Variants in MCTP1 observed in about 807,000 individuals in gnomAD.
MCTP1 encodes the protein multiple C2 and transmembrane domain containing 1, also known as multiple C2 and transmembrane domain-containing protein 1.
MCTP1 carries 69 observed loss-of-function variants against 120.6 expected under a neutral mutation model. That is an observed-to-expected ratio of 0.57 (90% CI 0.47 to 0.70). The LOEUF (loss-of-function observed/expected upper bound fraction) is 0.70. Ranked by LOEUF, MCTP1 falls within the 30% of genes least tolerant of loss-of-function variation. The pLI is 0.00. For missense variants in MCTP1, 1,203 were observed against 1,248.8 expected (o/e 0.96, Z 0.55); for synonymous variants, 529 against 493.1 (o/e 1.07, Z -0.96).
intron 5 of MCTP1, 144 bp downstream of exon 5, chr5:94,939,940 G>T: frequency 2.1e-6 from 1 of 470,680 alleles, no homozygotes. Flanking sequence ...AAGCATGAAT[G>T]AGCAATACCT....
intron 17 of MCTP1, among the ~76,000 whole-genome samples, chr5:94,848,759 CAATA>C (rs1793042354): frequency 5.9e-5 from 9 of 151,314 alleles, no homozygotes; most frequent in Admixed American, 5.3e-4. Context: ...AATTTATTGG[CAATA>C]AATAAAACAC....
chr5:94,980,495 A>T (rs1462975884), intron 2 of MCTP1, among the ~76,000 whole-genome samples: 1 of 152,096 alleles, frequency 6.6e-6, no homozygotes, highest in Non-Finnish European at 1.5e-5. Flanking sequence ...TTCCTTTTGA[A>T]ATTCAATATT....
At chr5:94,965,551 G>A (rs767962077) in intron 2 of MCTP1, among the ~76,000 whole-genome samples, 3 of 152,050 alleles carry the variant, frequency 2.0e-5, no homozygotes, top group Admixed American at 6.5e-5. Flanking sequence ...TCTGTGACTG[G>A]ACAAGGGGTG....
intron 19 of MCTP1, among the ~76,000 whole-genome samples, chr5:94,765,556 C>T (rs1039363160): frequency 6.6e-6 from 1 of 151,750 alleles, no homozygotes; most frequent in African/African-American, 2.4e-5. Context: ...CAAAAATTAG[C>T]CAGGTATGGT....
At chr5:95,160,906 C>T (rs957919244) in intron 1 of MCTP1, among the ~76,000 whole-genome samples, 1 of 152,060 alleles carries the variant, frequency 6.6e-6, no homozygotes, top group Admixed American at 6.6e-5. Context: ...TACCTCACAC[C>T]TGTTAATATT....
intron 15 of MCTP1, 104 bp from the exon 16 acceptor site, chr5:94,870,595 G>A (rs1797658582): frequency 2.3e-6 from 2 of 869,990 alleles, no homozygotes; most frequent in South Asian, 2.9e-5. Flanking sequence ...TCAAAGTCCT[G>A]GCTGCTGTGC....
chr5:94,784,450 C>A (rs919762510), intron 18 of MCTP1, among the ~76,000 whole-genome samples: 6 of 152,054 alleles, frequency 3.9e-5, no homozygotes, highest in African/African-American at 1.4e-4. Flanking sequence ...GTGGTAAGAT[C>A]TTTATAGGTG....
At chr5:95,257,796 T>TACACACATACATACACAC (rs56080673) in intron 1 of MCTP1, among the ~76,000 whole-genome samples, 1 of 125,366 alleles carries the variant, frequency 8.0e-6, no homozygotes, top group Non-Finnish European at 1.7e-5. Flanking sequence ...CCAGAAAACA[T>TACACACATACATACACAC]ACACACACAC....
At chr5:94,897,892 A>G (rs1031856581) in intron 10 of MCTP1, among the ~76,000 whole-genome samples, 7 of 152,094 alleles carry the variant, frequency 4.6e-5, no homozygotes, top group African/African-American at 7.2e-5. Flanking sequence ...CTTATTTTTA[A>G]CAGAAAGAAT....
chr5:94,726,568 T>C (rs1179798774), intron 19 of MCTP1, among the ~76,000 whole-genome samples: 2 of 77,238 alleles, frequency 2.6e-5, no homozygotes, highest in African/African-American at 1.1e-4. Flanking sequence ...ACACAAGGTA[T>C]GGGGCCCGCA....
chr5:94,901,719 T>A (rs1231526141), intron 10 of MCTP1, among the ~76,000 whole-genome samples: 2 of 152,094 alleles, frequency 1.3e-5, no homozygotes, highest in Admixed American at 1.3e-4. Context: ...GAGAAAAATC[T>A]CAGTGTTCTG....
Position 94,867,484 on chromosome 5 carries a change from T to C in MCTP1, c.2436+849A>G, listed in dbSNP as rs1797046312. 12 of 731,394 alleles carry C rather than the reference T, an allele frequency of 1.6e-5. No homozygotes were observed. In the Admixed American group the frequency reaches 2.3e-4, roughly 14 times the overall value. 45.3% of individuals were successfully genotyped at this position (731,394 alleles called of 1,614,324 possible). On this transcript the variant is annotated intron_variant, in intron 17 of 22. Transcript: ENST00000515393. ...TTGTTACTATAATTAAGGCTCTTCT[T>C]GTAAGCCCCCATAATAAAGTCGTAT...
intron 1 of MCTP1, among the ~76,000 whole-genome samples, chr5:95,099,961 A>G (rs2152364745): frequency 6.6e-6 from 1 of 152,204 alleles, no homozygotes; most frequent in South Asian, 2.1e-4. Context: ...TGATGAGTTC[A>G]TGTCCTTTGT....
At chr5:94,941,968 T>C (rs1817840896) in intron 4 of MCTP1, among the ~76,000 whole-genome samples, 1 of 152,040 alleles carries the variant, frequency 6.6e-6, no homozygotes, top group African/African-American at 2.4e-5. Flanking sequence ...CACTGCATTT[T>C]ATATATAGTA....
intron 1 of MCTP1, among the ~76,000 whole-genome samples, chr5:95,253,534 T>C (rs192169203): frequency 4.6e-5 from 7 of 152,192 alleles, no homozygotes; most frequent in Admixed American, 4.6e-4. Context: ...ATATTAACCT[T>C]CCACAGTGAA....
rs367646773 is a variant in MCTP1 at position 95,269,187 on chromosome 5, GTATTAT to G, written c.720+14663_720+14668del. ...ACGTAAGACTAAGATTTCCATGCTG[GTATTAT>G]TATTATTAAGAAACATTAGAAGTTG... On this transcript the variant is annotated intron_variant, in intron 1 of 22. Coordinates refer to ENST00000515393, the MANE Select transcript of MCTP1 (RefSeq NM_024717.7). Among the ~76,000 whole-genome samples, 1,105 of 152,188 alleles carry G rather than the reference GTATTAT, an allele frequency of 7.3e-3. 12 individuals carry two copies. The highest frequency in any genetic ancestry group is 0.03 in the South Asian group (143 of 4,816).
chr5:94,903,149 TA>T (rs11399742), intron 10 of MCTP1, among the ~76,000 whole-genome samples: 6 of 151,212 alleles, frequency 4.0e-5, no homozygotes, highest in Admixed American at 2.6e-4. Context: ...CAATCATTAG[TA>T]AAAAAAAATA....
At chr5:95,037,224 C>T (rs1162750450) in intron 1 of MCTP1, among the ~76,000 whole-genome samples, 6 of 152,140 alleles carry the variant, frequency 3.9e-5, no homozygotes, top group East Asian at 1.9e-4. Context: ...ACCCCCAGGG[C>T]GTAGCCATCA....
rs76703059 is a variant in MCTP1 at position 94,801,549 on chromosome 5, G to T, written c.2437-2417C>A. On this transcript the variant is annotated intron_variant, in intron 17 of 22. Coordinates refer to ENST00000515393, the MANE Select transcript of MCTP1 (RefSeq NM_024717.7). ...TCTTTTCTCTTGGACCTTCCTTTAT[G>T]TTCCTTTTCTGAGGGCATTCATTTG... Among the ~76,000 whole-genome samples, 36 of 152,222 alleles carry T rather than the reference G, an allele frequency of 2.4e-4. No individual in the cohort carries two copies. In the East Asian group the frequency reaches 4.0e-3, roughly 17 times the overall value.
Sources: gnomAD v4.1 joint callset for allele counts (sites outside exome capture counted in the v4.1 genomes callset) on GRCh38, gnomAD v4.1.1 for gene constraint, MANE v1.5 for transcripts, NCBI Gene and HGNC (gene_info 2026-07-23, HGNC 2026-07-21) for gene names.